Variants in MAP3K14 observed in about 807,000 individuals in gnomAD.
MAP3K14 encodes the protein NF-kappa-beta-inducing kinase.
Under a neutral mutation model 99.2 loss-of-function variants are expected in MAP3K14, and 16 were observed. That is an observed-to-expected ratio of 0.16 (90% confidence interval 0.11 to 0.24). The LOEUF is 0.24. Ranked by LOEUF, MAP3K14 falls within the 10% of genes least tolerant of loss-of-function variation. The pLI, the probability that MAP3K14 is intolerant of heterozygous loss-of-function variation, is 1.00. For missense variants in MAP3K14, 784 were observed against 1,208.7 expected, an observed-to-expected ratio of 0.65 and a Z score of 5.21; for synonymous variants, 462 against 492.4, an observed-to-expected ratio of 0.94 and a Z score of 0.82.
intron 1 of MAP3K14, among the ~76,000 whole-genome samples, chr17:45,315,291 C>G (rs1349146289): frequency 2.6e-5 from 4 of 151,994 alleles, no homozygotes; most frequent in Non-Finnish European, 5.9e-5. Flanking sequence ...ACAAAAAACC[C>G]CCTTCAGAAC....
chr17:45,286,290 AGAT>A lies in MAP3K14; in HGVS notation c.1152+138_1152+140del, dbSNP rs2044263423. The A allele has an allele frequency of 7.4e-6, 8 of 1,085,298 alleles. No individual in the cohort carries two copies. Among genetic ancestry groups the A allele is most frequent in the Non-Finnish European group, 1.0e-5 (8 of 771,060 alleles). 67.2% of individuals were successfully genotyped at this position (1,085,298 alleles called of 1,614,324 possible). ...TGAGAAGTGAGATTGGCGGAATAAGAGATGATACTTTTCATCCACAATGAGCAC... is the reference window on the plus strand; with the variant it reads ...TGAGAAGTGAGATTGGCGGAATAAGAGATACTTTTCATCCACAATGAGCAC... On this transcript the variant is annotated intron_variant, in intron 5 of 15. Coordinates refer to ENST00000344686, the MANE Select transcript of MAP3K14 (RefSeq NM_003954.5). The surrounding 1 kb of genome is among the most constrained non-coding windows in gnomAD (Gnocchi z 4.1).
At chr17:45,282,432 A>G (rs146416640) in intron 6 of MAP3K14, among the ~76,000 whole-genome samples, 4 of 151,976 alleles carry the variant, frequency 2.6e-5, no homozygotes, top group Non-Finnish European at 5.9e-5. Context: ...GTGCGTGCCT[A>G]AAGTCCCAGC....
At chr17:45,296,723 T>C (rs888534356) in intron 1 of MAP3K14, among the ~76,000 whole-genome samples, 1 of 152,190 alleles carries the variant, frequency 6.6e-6, no homozygotes, top group South Asian at 2.1e-4. Flanking sequence ...TTCCTTCACT[T>C]GCCCGAGCAG....
intron 1 of MAP3K14, among the ~76,000 whole-genome samples, chr17:45,297,875 C>A (rs1004001133): frequency 1.3e-5 from 2 of 151,930 alleles, no homozygotes; most frequent in South Asian, 4.2e-4. Flanking sequence ...TGTGCCACCA[C>A]ATCTGGCTAA....
In MAP3K14 at chr17:45,286,806, G is replaced by C; in HGVS notation, c.777C>G (p.Pro259=). 6.2e-7 allele frequency: 1 copy of C among 1,613,374 alleles called. No homozygotes were observed. ...GGAAGGGATGAGGCAGTCTGCTATAGGGGAAGGGGTGCGTGGGCAGGGGCA... is the reference window on the plus strand; with the variant it reads ...GGAAGGGATGAGGCAGTCTGCTATACGGGAAGGGGTGCGTGGGCAGGGGCA... ...GPLPLPTHPF[P]YSRLPHPFPF... Residue 259 remains proline (P), a synonymous_variant, in exon 5 of 16, where the codon CCC becomes CCG. Transcript: ENST00000344686. This position sits in a 1 kb window ranked among gnomAD's most constrained non-coding sequence, Gnocchi z 4.1.
At chr17:45,268,701 G>A (rs913710009) in intron 11 of MAP3K14, 2 of 152,158 alleles carry the variant, frequency 1.3e-5, no homozygotes, top group African/African-American at 2.4e-5. Context: ...TGCTCCATGA[G>A]GCATCCCCTT....
At position 45,271,048 on chromosome 17, in the gene MAP3K14, C is replaced by T. The variant is rs779083529; in HGVS notation, c.1821+10G>A. ...TCCCCCTGTTGGCCATGCTGGGTGC[C>T]GTCACCGACCTTGAGGCAGAGCGGC... On this transcript the variant is annotated intron_variant, in intron 10 of 15. Transcript: ENST00000344686. 14 of 1,610,594 alleles carry T rather than the reference C, an allele frequency of 8.7e-6. No homozygotes were observed. Among genetic ancestry groups the T allele is most frequent in the South Asian group, 2.2e-5 (2 of 90,738 alleles).
intron 1 of MAP3K14, among the ~76,000 whole-genome samples, chr17:45,310,572 C>T (rs187537523): frequency 3.3e-4 from 50 of 152,240 alleles, no homozygotes; most frequent in African/African-American, 1.2e-3. Flanking sequence ...ATGCTTCACC[C>T]ACAAGGAAGA....
chr17:45,285,967 T>TAAA (rs549960630), intron 5 of MAP3K14, among the ~76,000 whole-genome samples: 4 of 125,500 alleles, frequency 3.2e-5, no homozygotes, highest in Admixed American at 8.1e-5. Context: ...ACACATTTAT[T>TAAA]AAAAAAAAAA....
chr17:45,284,674 G>T, intron 6 of MAP3K14, 138 bp downstream of exon 6: 2 of 1,115,664 alleles, frequency 1.8e-6, no homozygotes, highest in Non-Finnish European at 2.5e-6. Flanking sequence ...CCGACCTCAG[G>T]TGGCTAGTGA....
chr17:45,265,344 C>T (rs978892213), intron 14 of MAP3K14, 81 bp from the exon 15 acceptor site: 19 of 911,356 alleles, frequency 2.1e-5, no homozygotes, highest in Middle Eastern at 2.1e-4. Context: ...GCTGGGGGAA[C>T]GTTTTTGTTA....
In MAP3K14 at chr17:45,274,261, G is replaced by C; in HGVS notation, c.1421-7C>G. The C allele has an allele frequency of 1.9e-6, 3 of 1,599,414 alleles. No homozygotes were observed. The highest frequency in any genetic ancestry group is 2.6e-6 in the Non-Finnish European group (3 of 1,172,846). On this transcript the variant is annotated splice_region_variant and splice_polypyrimidine_tract_variant and intron_variant, in intron 7 of 15. Transcript: ENST00000344686. The stretch of plus-strand genomic sequence containing the variant: ...AGCTGGCCCAGGGAGCCACCTAGGA[G>C]ACCAAAGGCCAGGCTATACATGGGA...
In MAP3K14 at chr17:45,267,738, C is replaced by A. The variant is rs199865460; in HGVS notation, c.1994G>T (p.Trp665Leu). The change falls in exon 12 of 16, where the codon TGG becomes TTG. Residue 665 changes from tryptophan (W) to leucine (L), a missense_variant. This residue lies in a region of MAP3K14 where 128 missense variants were observed against 143.3 expected (regional missense o/e 0.89). Coordinates refer to ENST00000344686, the MANE Select transcript of MAP3K14 (RefSeq NM_003954.5). The surrounding 1 kb of genome is among the most constrained non-coding windows in gnomAD (Gnocchi z 5.1). ...TCTTGGTTCTTTATATTCTCCCCTC[C>A]AAGGGCTCTTCAGACCTCCCACTAG... ...LQQVGGLKSP[W>L]RGEYKEPRHP... 3.5e-5 allele frequency: 56 copies of A among 1,611,916 alleles called. No homozygotes were observed. The highest frequency in any genetic ancestry group is 4.4e-5 in the Non-Finnish European group (52 of 1,179,758).
In MAP3K14 at chr17:45,266,572, C is replaced by T. The variant is rs561757277; in HGVS notation, c.2543G>A (p.Arg848Gln). Residue 848 changes from arginine to glutamine, a missense_variant, in exon 14 of 16, where the codon CGG becomes CAG. By Grantham distance (43) the Arg-to-Gln change is conservative. Transcript: ENST00000344686. Reference sequence around the variant, plus strand: ...GCTTGGGGTGTCGGTGGGCCGCCCCCGGGCCAGCACCATGTTCCAGCTGGA... The same window carrying T: ...GCTTGGGGTGTCGGTGGGCCGCCCCTGGGCCAGCACCATGTTCCAGCTGGA... The part of the protein sequence containing the change: ...RSSSWNMVLA[R>Q]GRPTDTPSYF... The T allele has an allele frequency of 6.9e-5, 111 of 1,613,000 alleles. No homozygotes were observed. Among genetic ancestry groups the T allele is most frequent in the Non-Finnish European group, 9.0e-5 (106 of 1,179,544 alleles).
chr17:45,286,705 T>C lies in MAP3K14; in HGVS notation c.878A>G (p.Gln293Arg). Reference protein sequence around the residue: ...FLGKLACVDSQKPLPDPHLSK... With the variant: ...FLGKLACVDSRKPLPDPHLSK... ...CAGGTGTGGGTCAGGCAAGGGTTTC[T>C]GGCTGTCTACACAGGCCAGTTTGCC... Residue 293 changes from glutamine (Q) to arginine (R), a missense_variant, in exon 5 of 16, where the codon CAG becomes CGG. This residue lies in a region of MAP3K14 where 138 missense variants were observed against 164.1 expected (regional missense o/e 0.84). Coordinates refer to ENST00000344686, the MANE Select transcript of MAP3K14 (RefSeq NM_003954.5). This position sits in a 1 kb window ranked among gnomAD's most constrained non-coding sequence, Gnocchi z 4.1. 1.9e-6 allele frequency: 3 copies of C among 1,610,086 alleles called. No homozygotes were observed. The highest frequency in any genetic ancestry group is 2.5e-6 in the Non-Finnish European group (3 of 1,178,310).
chr17:45,304,905 C>T (rs1266072732), intron 1 of MAP3K14, among the ~76,000 whole-genome samples: 1 of 152,056 alleles, frequency 6.6e-6, no homozygotes, highest in Non-Finnish European at 1.5e-5. Flanking sequence ...GATCCTCAAA[C>T]CTACATGATA....
In MAP3K14 at chr17:45,286,788, A is replaced by T; in HGVS notation, c.795T>A (p.His265Gln). Residue 265 changes from histidine (H) to glutamine (Q), a missense_variant, in exon 5 of 16, where the codon CAT (histidine) becomes CAA (glutamine). By Grantham distance (24) the His-to-Gln change is conservative. Transcript: ENST00000344686. This position sits in a 1 kb window ranked among gnomAD's most constrained non-coding sequence, Gnocchi z 4.1. ...THPFPYSRLP[H>Q]PFPFHPLQPW... ...GCTGGAGAGGGTGGAATGGGAAGGG[A>T]TGAGGCAGTCTGCTATAGGGGAAGG... 6.2e-7 allele frequency: 1 copy of T among 1,612,836 alleles called. No homozygotes were observed. Among genetic ancestry groups the T allele is most frequent in the Non-Finnish European group, 8.5e-7 (1 of 1,179,358 alleles).
intron 1 of MAP3K14, among the ~76,000 whole-genome samples, chr17:45,316,744 G>T (rs941758315): frequency 1.5e-4 from 23 of 151,772 alleles, no homozygotes; most frequent in Non-Finnish European, 4.4e-5. Context: ...GAGGCCCGGG[G>T]CGAGCGCGGC....
rs892790739 is a variant in MAP3K14 at position 45,267,678 on chromosome 17, G to A, written c.2054C>T (p.Thr685Ile). Residue 685 changes from threonine to isoleucine, a missense_variant, in exon 12 of 16, where the codon ACC (threonine) becomes ATC (isoleucine). Physicochemically the swap from Thr to Ile is moderately conservative, Grantham distance 89 (BLOSUM62 -1). Around this residue, in one of 5 missense-constraint regions of MAP3K14, gnomAD observed 128 missense variants for 143.3 expected, o/e 0.89. Coordinates refer to ENST00000344686, the MANE Select transcript of MAP3K14 (RefSeq NM_003954.5). The surrounding 1 kb of genome is among the most constrained non-coding windows in gnomAD (Gnocchi z 5.1). ...AAGCTCTCTCGGCTGGGCATGGAGG[G>A]TCTGGTGGTAATTGGCTTGATTTGG... ...PPPNQANYHQ[T>I]LHAQPRELSP... 9 of 1,613,946 alleles carry A rather than the reference G, an allele frequency of 5.6e-6. No homozygotes were observed. The highest frequency in any genetic ancestry group is 6.8e-6 in the Non-Finnish European group (8 of 1,179,866).
Sources: allele counts gnomAD v4.1 joint callset (sites outside exome capture counted in the v4.1 genomes callset), GRCh38; gene constraint gnomAD v4.1.1; regional missense constraint gnomAD v4.1.1; non-coding constraint Gnocchi (gnomAD v3.1); transcripts MANE v1.5; gene names NCBI Gene and HGNC (gene_info 2026-07-23, HGNC 2026-07-21).